DDX6: variants seen among roughly 807,000 people sequenced by gnomAD.
DDX6 encodes the protein DEAD-box helicase 6.
In DDX6, 7 loss-of-function variants were observed where a neutral mutation model predicts 60.6. The observed-to-expected ratio is 0.12, with a 90% CI of 0.07 to 0.22. The LOEUF (loss-of-function observed/expected upper bound fraction) is 0.22. Ranked by LOEUF, DDX6 falls within the 10% of genes least tolerant of loss-of-function variation. The probability of loss-of-function intolerance (pLI) is 1.00; values close to 1 mark genes in which losing one functional copy is unlikely to be tolerated. For synonymous variants in DDX6, 207 were observed against 201.0 expected, an observed-to-expected ratio of 1.03 and a Z score of -0.25; for missense variants, 270 against 589.9, an observed-to-expected ratio of 0.46 and a Z score of 5.62.
intron 4 of DDX6, among the ~76,000 whole-genome samples, chr11:118,770,542 A>G (rs1861502322): frequency 6.6e-6 from 1 of 152,166 alleles, no homozygotes; most frequent in Non-Finnish European, 1.5e-5. Flanking sequence ...CAATCACAGG[A>G]TATAAATGGG....
chr11:118,769,172 C>A (rs1052370428), intron 4 of DDX6, among the ~76,000 whole-genome samples: 6 of 151,814 alleles, frequency 4.0e-5, no homozygotes, highest in African/African-American at 1.5e-4. Flanking sequence ...CAAGGTAAGA[C>A]TATATATATT....
intron 5 of DDX6, 23 bp from the exon 6 acceptor site, chr11:118,765,378 A>T: frequency 6.2e-7 from 1 of 1,612,932 alleles, no homozygotes; most frequent in Non-Finnish European, 8.5e-7. Context: ...CAAGGAATAT[A>T]TAAGAAAATA....
intron 12 of DDX6, 29 bp from the exon 13 acceptor site, chr11:118,754,916 T>C (rs781963730): frequency 8.3e-6 from 13 of 1,561,668 alleles, no homozygotes; most frequent in Admixed American, 2.0e-5. Flanking sequence ...AAAATTTTAA[T>C]GAATAAAATA....
intron 3 of DDX6, among the ~76,000 whole-genome samples, chr11:118,780,327 T>C (rs1167323619): frequency 1.3e-5 from 2 of 152,150 alleles, no homozygotes; most frequent in Non-Finnish European, 2.9e-5. Context: ...GCCTTCTTTT[T>C]TTCTTCGAGA....
intron 2 of DDX6, among the ~76,000 whole-genome samples, chr11:118,781,918 ACT>A (rs1467715742): frequency 2.0e-5 from 3 of 150,122 alleles, no homozygotes; most frequent in East Asian, 1.9e-4. Context: ...ACAGAGGGAG[ACT>A]CTGTCTCAAA....
rs540636640 is a variant in DDX6 at position 118,751,729 on chromosome 11, C to T, written c.*376G>A. ...GGGAGAAGTTGAAATGCACGAGAGT[C>T]AGCTGTTGGAGAATTTTGAAATCAT... On this transcript the variant is annotated 3_prime_UTR_variant, in exon 14 of 14. Coordinates refer to ENST00000534980, the MANE Select transcript of DDX6 (RefSeq NM_004397.6). 1 of 292,484 alleles carries T rather than the reference C, an allele frequency of 3.4e-6. No individual in the cohort carries two copies. The highest frequency in any genetic ancestry group is 3.0e-5 in the South Asian group (1 of 33,810). The allele number at this position is 292,484 out of a possible 1,614,324, so 18.1% of individuals were successfully genotyped here.
chr11:118,768,211 T>C lies in DDX6; in HGVS notation c.499+12A>G, dbSNP rs1861419750. On this transcript the variant is annotated intron_variant, in intron 5 of 13. Coordinates refer to ENST00000534980, the MANE Select transcript of DDX6 (RefSeq NM_004397.6). The stretch of plus-strand genomic sequence containing the variant: ...CATTTTTAGTTTAAAAACAAACTTT[T>C]ATTCAACTAACCTTGTATATTGTCC... 3 of 1,609,754 alleles carry C rather than the reference T, an allele frequency of 1.9e-6. No homozygotes were observed. The highest frequency in any genetic ancestry group is 2.7e-5 in the African/African-American group (2 of 74,868).
Position 118,761,700 on chromosome 11 carries a change from T to G in DDX6, c.741+1512A>C, listed in dbSNP as rs1248495559. Among the ~76,000 whole-genome samples the G allele has an allele frequency of 5.3e-5, 8 of 152,202 alleles. No individual in the cohort carries two copies. In the South Asian group the frequency reaches 8.3e-4, roughly 16 times the overall value. ...CTTCTTAAAAATTAAACCTAAACTC[T>G]GGCATCTATAAGACAAAAAGCTGAA... On this transcript the variant is annotated intron_variant, in intron 7 of 13. Coordinates refer to ENST00000534980, the MANE Select transcript of DDX6 (RefSeq NM_004397.6).
At chr11:118,776,355 TC>T (rs1181489790) in intron 4 of DDX6, among the ~76,000 whole-genome samples, 4 of 152,166 alleles carry the variant, frequency 2.6e-5, no homozygotes, top group Non-Finnish European at 5.9e-5. Context: ...GACTTATAGA[TC>T]CCAAATAACC....
At chr11:118,774,198 C>A (rs756231787) in intron 4 of DDX6, among the ~76,000 whole-genome samples, 1 of 152,082 alleles carries the variant, frequency 6.6e-6, no homozygotes, top group African/African-American at 2.4e-5. Flanking sequence ...TCAATCATAA[C>A]CCCAAAGTTA....
chr11:118,779,464 A>C (rs1297433432), intron 4 of DDX6, among the ~76,000 whole-genome samples, 168 bp downstream of exon 4: 1 of 152,212 alleles, frequency 6.6e-6, no homozygotes, highest in Non-Finnish European at 1.5e-5. Context: ...CGAAATATTT[A>C]GAGTTGTAAA....
chr11:118,777,143 A>G (rs978324013), intron 4 of DDX6, among the ~76,000 whole-genome samples: 6 of 152,104 alleles, frequency 3.9e-5, no homozygotes, highest in Non-Finnish European at 8.8e-5. Context: ...TTACCTGTAC[A>G]ATTAGCTGTC....
chr11:118,757,348 ATCT>A, intron 9 of DDX6, 61 bp from the exon 10 acceptor site: 2 of 931,636 alleles, frequency 2.1e-6, no homozygotes, highest in Non-Finnish European at 3.1e-6. Flanking sequence ...GGTTTGCCAA[ATCT>A]TGAAAACACG....
Position 118,786,104 on chromosome 11 carries a change from T to C in DDX6, c.148A>G (p.Thr50Ala). Residue 50 changes from threonine (T) to alanine (A), a missense_variant, in exon 2 of 14, where the codon ACA becomes GCA. By Grantham distance (58) the Thr-to-Ala change is moderately conservative. Coordinates refer to ENST00000534980, the MANE Select transcript of DDX6 (RefSeq NM_004397.6). ...TGCTGCTGAGTGCCATTATTGATTGTGTTGGTGTTTTTCAGCTGGTTCATC... is the reference window on the plus strand; with the variant it reads ...TGCTGCTGAGTGCCATTATTGATTGCGTTGGTGTTTTTCAGCTGGTTCATC... ...QQMNQLKNTN[T>A]INNGTQQQAQ... is the part of the protein sequence containing the mutation. The C allele has an allele frequency of 6.2e-7, 1 of 1,613,984 alleles. No homozygotes were observed. The highest frequency in any genetic ancestry group is 8.5e-7 in the Non-Finnish European group (1 of 1,179,888).
At chr11:118,758,514 T>C (rs1861054457) in intron 9 of DDX6, among the ~76,000 whole-genome samples, 1 of 151,966 alleles carries the variant, frequency 6.6e-6, no homozygotes. Context: ...GCTGGGATTA[T>C]GGGCACACGC....
intron 7 of DDX6, 66 bp from the exon 8 acceptor site, chr11:118,760,110 T>C (rs782548233): frequency 2.8e-6 from 4 of 1,445,674 alleles, no homozygotes; most frequent in Admixed American, 2.2e-5. Flanking sequence ...GGTTAATACA[T>C]GGTCAAAGAA....
chr11:118,752,335 C>G (rs1263030442), intron 13 of DDX6, among the ~76,000 whole-genome samples: 1 of 152,084 alleles, frequency 6.6e-6, no homozygotes, highest in Non-Finnish European at 1.5e-5. Context: ...CGTAACAAAT[C>G]CGGGGGAAAA....
At chr11:118,753,501 G>A (rs912873776) in intron 13 of DDX6, among the ~76,000 whole-genome samples, 21 of 151,120 alleles carry the variant, frequency 1.4e-4, no homozygotes, top group Non-Finnish European at 2.1e-4. Flanking sequence ...CACCATGCCC[G>A]GCTAATTTTT....
At chr11:118,761,650 A>T (rs1349023066) in intron 7 of DDX6, among the ~76,000 whole-genome samples, 1 of 152,072 alleles carries the variant, frequency 6.6e-6, no homozygotes, top group Non-Finnish European at 1.5e-5. Flanking sequence ...AAAAAACTTG[A>T]CTTTCAAGTT....
Sources: gnomAD v4.1 joint callset for allele counts (sites outside exome capture counted in the v4.1 genomes callset) on GRCh38, gnomAD v4.1.1 for gene constraint, MANE v1.5 for transcripts, NCBI Gene and HGNC (gene_info 2026-07-23, HGNC 2026-07-21) for gene names.